Variants in CEP128 observed in about 807,000 individuals in gnomAD.
CEP128 encodes centrosomal protein 128kDa.
In CEP128, 132 loss-of-function variants were observed where a neutral mutation model predicts 156.7. The observed-to-expected ratio is 0.84, with a 90% CI of 0.73 to 0.97. The LOEUF is 0.97. Among genes scored for constraint, CEP128 ranks in the 50% least tolerant of loss-of-function variants. CEP128 has a pLI of 0.00. For missense variants in CEP128, 1,252 were observed against 1,281.9 expected (o/e 0.98, Z 0.36); for synonymous variants, 469 against 448.9 (o/e 1.04, Z -0.57).
intron 19 of CEP128, among the ~76,000 whole-genome samples, chr14:80,740,951 G>C (rs1898803185): frequency 6.6e-6 from 1 of 152,092 alleles, no homozygotes; most frequent in Non-Finnish European, 1.5e-5. Flanking sequence ...AAATCCAGAA[G>C]AGTATAGCAC....
intron 19 of CEP128, among the ~76,000 whole-genome samples, chr14:80,581,169 C>A (rs1891575737): frequency 6.6e-6 from 1 of 152,128 alleles, no homozygotes; most frequent in Non-Finnish European, 1.5e-5. Context: ...TGCAGCTATA[C>A]CACCCTGTGC....
intron 16 of CEP128, among the ~76,000 whole-genome samples, chr14:80,773,426 A>C (rs1489180319): frequency 6.6e-6 from 1 of 152,152 alleles, no homozygotes; most frequent in Non-Finnish European, 1.5e-5. Context: ...GTATATAAAA[A>C]ATAATTTATA....
chr14:80,863,951 T>A (rs903958402), intron 8 of CEP128, among the ~76,000 whole-genome samples: 1 of 152,184 alleles, frequency 6.6e-6, no homozygotes, highest in Admixed American at 6.5e-5. Context: ...AGTTTACTCT[T>A]GAACAACAGG....
At chr14:80,787,238 C>T (rs1901457001) in intron 14 of CEP128, among the ~76,000 whole-genome samples, 1 of 152,134 alleles carries the variant, frequency 6.6e-6, no homozygotes. Context: ...GAGGAGAATC[C>T]ATGTCCAAGC....
chr14:80,658,449 C>T (rs1198594310), intron 19 of CEP128, among the ~76,000 whole-genome samples: 2 of 152,164 alleles, frequency 1.3e-5, no homozygotes, highest in African/African-American at 2.4e-5. Context: ...GGCCTGGGGA[C>T]ATGATCTGAT....
chr14:80,713,442 T>C (rs2139422300), intron 19 of CEP128, among the ~76,000 whole-genome samples: 1 of 152,258 alleles, frequency 6.6e-6, no homozygotes, highest in Middle Eastern at 3.4e-3. Flanking sequence ...GTTTGTCTAC[T>C]TCTTCACCTG....
upstream of CEP128, among the ~76,000 whole-genome samples, chr14:80,944,162 A>G (rs565680580): frequency 2.6e-5 from 4 of 152,314 alleles, no homozygotes; most frequent in East Asian, 1.9e-4. Context: ...TTTAATCAAT[A>G]TGGCCAACAC....
Position 80,622,523 on chromosome 14 carries a change from C to T in CEP128, c.2807-42100G>A, listed in dbSNP as rs1056723637. Among the ~76,000 whole-genome samples the T allele has an allele frequency of 1.4e-3, 216 of 150,162 alleles. 1 individual carries two copies. The highest frequency in any genetic ancestry group is 2.8e-3 in the Non-Finnish European group (187 of 67,514). On this transcript the variant is annotated intron_variant, in intron 19 of 24. Transcript: ENST00000555265. ...AACTACCATCAGAGTGAACAGGCAACCTACAGAATGGGAGAAAATTTTCGC... is the reference window on the plus strand; with the variant it reads ...AACTACCATCAGAGTGAACAGGCAATCTACAGAATGGGAGAAAATTTTCGC...
chr14:80,553,967 G>A (rs556854501), intron 21 of CEP128, among the ~76,000 whole-genome samples: 2 of 152,246 alleles, frequency 1.3e-5, no homozygotes, highest in South Asian at 4.1e-4. Context: ...CAGCATTTCA[G>A]TGCTAAGGTG....
At chr14:80,915,853 G>A (rs1884517916) in intron 3 of CEP128, among the ~76,000 whole-genome samples, 1 of 152,182 alleles carries the variant, frequency 6.6e-6, no homozygotes, top group African/African-American at 2.4e-5. Context: ...AACTGTCATA[G>A]GCAGAATAAT....
intron 14 of CEP128, among the ~76,000 whole-genome samples, chr14:80,483,697 C>T (rs1887101459): frequency 6.6e-6 from 1 of 152,200 alleles, no homozygotes; most frequent in Non-Finnish European, 1.5e-5. Flanking sequence ...ATTTTGAACA[C>T]TTATTGTATG....
intron 19 of CEP128, among the ~76,000 whole-genome samples, chr14:80,662,995 T>C (rs1895463118): frequency 6.6e-6 from 1 of 152,234 alleles, no homozygotes; most frequent in Admixed American, 6.5e-5. Flanking sequence ...AAAGCAGTTC[T>C]AAACTTCTTT....
downstream of CEP128, among the ~76,000 whole-genome samples, chr14:80,491,594 C>G (rs181373929): frequency 6.6e-6 from 1 of 152,222 alleles, no homozygotes; most frequent in East Asian, 1.9e-4. Context: ...TATCTTCACT[C>G]ACAGTGGAAT....
chr14:80,868,921 A>G lies in CEP128; in HGVS notation c.646-6048T>C, dbSNP rs536307362. Among the ~76,000 whole-genome samples the G allele has an allele frequency of 1.5e-3, 222 of 152,268 alleles. 1 individual carries two copies. Among genetic ancestry groups the G allele is most frequent in the Admixed American group, 3.3e-3 (50 of 15,306 alleles). ...AGAAACAAGCTCATTAAATAATTATAAAGGAGTCAATTCATCAAGAGGATA... is the reference window on the plus strand; with the variant it reads ...AGAAACAAGCTCATTAAATAATTATGAAGGAGTCAATTCATCAAGAGGATA... On this transcript the variant is annotated intron_variant, in intron 8 of 24. Transcript: ENST00000555265.
rs114827139 is a variant in CEP128 at position 80,780,988 on chromosome 14, C to T, written c.2212-2942G>A. Among the ~76,000 whole-genome samples the T allele has an allele frequency of 5.4e-3, 822 of 152,284 alleles. 5 individuals are homozygous for T. The highest frequency in any genetic ancestry group is 0.018 in the African/African-American group (761 of 41,564). ...CAGAAGACCAAGAGATTAGCTCCACCTCAACTGAAATTTATTCCAACTTCA... is the reference window on the plus strand; with the variant it reads ...CAGAAGACCAAGAGATTAGCTCCACTTCAACTGAAATTTATTCCAACTTCA... On this transcript the variant is annotated intron_variant, in intron 15 of 24. Coordinates refer to ENST00000555265, the MANE Select transcript of CEP128 (RefSeq NM_152446.5).
intron 20 of CEP128, among the ~76,000 whole-genome samples, chr14:80,572,489 C>T (rs1014432183): frequency 6.6e-6 from 1 of 151,986 alleles, no homozygotes; most frequent in Admixed American, 6.6e-5. Context: ...AGATATTTGC[C>T]CAAAGTTTGA....
chr14:80,588,540 A>G (rs1891915934), intron 19 of CEP128, among the ~76,000 whole-genome samples: 1 of 152,130 alleles, frequency 6.6e-6, no homozygotes. Flanking sequence ...AAGGAGATAC[A>G]ACTGAAAATT....
At chr14:80,942,415 A>G (rs1886205380), upstream of CEP128, 1 of 152,180 alleles carries the variant, frequency 6.6e-6, no homozygotes. Flanking sequence ...CACTCAGGGG[A>G]GTTGGTTTCA....
chr14:80,518,202 A>C (rs6574584), intron 23 of CEP128, among the ~76,000 whole-genome samples: 116,161 of 149,302 alleles, frequency 0.78, 47,307 homozygotes, highest in Middle Eastern at 0.9. Context: ...TTGACTATTT[A>C]TTTACTTCCT....
Sources: gnomAD v4.1 joint callset for allele counts (sites outside exome capture counted in the v4.1 genomes callset) on GRCh38, gnomAD v4.1.1 for gene constraint, MANE v1.5 for transcripts, NCBI Gene and HGNC (gene_info 2026-07-23, HGNC 2026-07-21) for gene names.